Variants in GALNS observed in about 807,000 individuals in gnomAD.
GALNS encodes the protein galactosamine (N-acetyl)-6-sulfatase.
A neutral mutation model predicts 65.9 loss-of-function variants in GALNS; 65 were observed. The ratio of observed to expected loss-of-function variants is 0.99; its 90% CI spans 0.81 to 1.21. The LOEUF (loss-of-function observed/expected upper bound fraction) is 1.21. GALNS is among the 50% of genes most tolerant of loss of function. The pLI is 0.00. For synonymous variants in GALNS, 346 were observed against 288.9 expected (o/e 1.20, Z -2.00); for missense variants, 776 against 700.7 (o/e 1.11, Z -1.21).
chr16:88,849,289 T>C (rs1202384554), intron 1 of GALNS, among the ~76,000 whole-genome samples: 3 of 151,674 alleles, frequency 2.0e-5, no homozygotes, highest in Admixed American at 6.6e-5. Context: ...TAATTATTAT[T>C]ATCATTATTT....
chr16:88,825,228 CT>C (rs1446762429), intron 10 of GALNS, among the ~76,000 whole-genome samples: 1 of 89,988 alleles, frequency 1.1e-5, no homozygotes, highest in Non-Finnish European at 2.0e-5. Context: ...GCCTGGGTGT[CT>C]GGGGCTGGGG....
chr16:88,824,532 G>A (rs1412678111), intron 11 of GALNS, among the ~76,000 whole-genome samples: 3 of 152,130 alleles, frequency 2.0e-5, no homozygotes, highest in Non-Finnish European at 4.4e-5. Context: ...TAGCTATGCC[G>A]CGGGGCTACT....
rs370586494 is a variant in GALNS, at chr16:88,835,340, G to A, written c.771C>T (p.Ala257=). ...CAATGCTGTCATCAATCTCCCGGACGGCGTCTCCATACCTGCAGGATGGTG... is the reference window on the plus strand; with the variant it reads ...CAATGCTGTCATCAATCTCCCGGACAGCGTCTCCATACCTGCAGGATGGTG... ...GTSQRGRYGD[A]VREIDDSIGK... is the part of the protein sequence containing the mutation. The change falls in exon 8 of 14, where the codon GCC becomes GCT. Residue 257 remains alanine (A), a synonymous_variant. Coordinates refer to ENST00000268695, the MANE Select transcript of GALNS (RefSeq NM_000512.5). 4.1e-4 allele frequency: 655 copies of A among 1,613,554 alleles called. 1 individual carries two copies. Among genetic ancestry groups the A allele is most frequent in the Non-Finnish European group, 5.1e-4 (598 of 1,179,872 alleles).
At chr16:88,849,876 C>T (rs1226860369) in intron 1 of GALNS, among the ~76,000 whole-genome samples, 1 of 152,212 alleles carries the variant, frequency 6.6e-6, no homozygotes, top group Non-Finnish European at 1.5e-5. Flanking sequence ...CAGAGCTGCT[C>T]ATGGGCTGAG....
intron 4 of GALNS, 38 bp downstream of exon 4, chr16:88,840,954 G>A: frequency 6.7e-7 from 1 of 1,502,922 alleles, no homozygotes; most frequent in Non-Finnish European, 9.3e-7. Context: ...GAAGTGGATG[G>A]AGCAGGACGC....
intron 6 of GALNS, 66 bp downstream of exon 6, chr16:88,836,135 G>A (rs1027971381): frequency 7.6e-6 from 11 of 1,439,948 alleles, no homozygotes; most frequent in Non-Finnish European, 1.1e-5. Context: ...CCTCCCACAG[G>A]ATGAGGTTGG....
At chr16:88,829,876 G>A (rs988341959) in intron 9 of GALNS, among the ~76,000 whole-genome samples, 4 of 152,308 alleles carry the variant, frequency 2.6e-5, no homozygotes, top group Admixed American at 6.5e-5. Context: ...AGCGAGGCTC[G>A]AAACAGGGAG....
Position 88,824,070 on chromosome 16 carries a change from C to T in GALNS, c.1242+697G>A, listed in dbSNP as rs989828899. ...CCAGTTCTCACTTCCAGTCTTTAGA[C>T]TCTCCATTACACTAAATGATTTTCT... is the stretch of plus-strand genomic sequence containing the variant. On this transcript the variant is annotated intron_variant, in intron 11 of 13. Transcript: ENST00000268695. 2.0e-5 allele frequency among the ~76,000 whole-genome samples: 3 copies of T among 152,258 alleles called. No individual in the cohort carries two copies. In the East Asian group the frequency reaches 5.8e-4, roughly 29 times the overall value.
rs2303271 is a variant in GALNS, at chr16:88,818,058, C to T, written c.1431G>A (p.Glu477=). 589,919 of 1,578,382 alleles carry T rather than the reference C, an allele frequency of 0.37. 113,008 individuals carry two copies. The highest frequency in any genetic ancestry group is 0.63 in the East Asian group (27,222 of 43,502). ...GCTGGGGCTGCGCGGGGACCAAGGCCTCCTGGTGCTGCTGGACGACCGAGG... is the reference window on the plus strand; with the variant it reads ...GCTGGGGCTGCGCGGGGACCAAGGCTTCCTGGTGCTGCTGGACGACCGAGG... ...RITSVVQQHQ[E]ALVPAQPQLN... is the part of the protein sequence containing the mutation. Residue 477 remains glutamate, a synonymous_variant, in exon 13 of 14, where the codon GAG becomes GAA. Coordinates refer to ENST00000268695, the MANE Select transcript of GALNS (RefSeq NM_000512.5).
chr16:88,825,195 TA>T (rs1305565300), intron 10 of GALNS, among the ~76,000 whole-genome samples: 3 of 120,418 alleles, frequency 2.5e-5, no homozygotes, highest in Non-Finnish European at 3.4e-5. Context: ...ACTGGGTGTC[TA>T]GGGTGCCTGG....
chr16:88,829,399 G>A (rs11643047), intron 9 of GALNS, among the ~76,000 whole-genome samples: 467 of 152,320 alleles, frequency 3.1e-3, no homozygotes, highest in Non-Finnish European at 5.1e-3. Context: ...ACAACAAGGC[G>A]GTCACTCTCA....
chr16:88,833,454 CT>C (rs1555521204), intron 8 of GALNS, among the ~76,000 whole-genome samples: 444 of 141,088 alleles, frequency 3.1e-3, no homozygotes, highest in African/African-American at 5.9e-3. Context: ...CTCCCATCCC[CT>C]TTTTTTTTTT....
intron 12 of GALNS, among the ~76,000 whole-genome samples, chr16:88,818,889 C>G (rs943791679): frequency 1.3e-5 from 2 of 152,224 alleles, no homozygotes; most frequent in African/African-American, 2.4e-5. Flanking sequence ...AATGCCCAGG[C>G]TGGGAGCTGC....
At chr16:88,827,024 C>T in intron 9 of GALNS, 186 bp from the exon 10 acceptor site, 1 of 698,046 alleles carries the variant, frequency 1.4e-6, no homozygotes, top group Admixed American at 2.4e-5. Flanking sequence ...GAGCCTCAAA[C>T]CAGGCCCAAA....
At chr16:88,850,371 C>T (rs935816437) in intron 1 of GALNS, among the ~76,000 whole-genome samples, 28 of 152,300 alleles carry the variant, frequency 1.8e-4, no homozygotes, top group African/African-American at 6.7e-4. Context: ...GAGCTGCGTC[C>T]GGATCTGCTT....
chr16:88,835,743 C>G lies in GALNS; in HGVS notation c.740G>C (p.Gly247Ala). Residue 247 changes from glycine to alanine, a missense_variant, in exon 7 of 14, where the codon GGC becomes GCC. By Grantham distance (60) the Gly-to-Ala change is moderately conservative. Coordinates refer to ENST00000268695, the MANE Select transcript of GALNS (RefSeq NM_000512.5). ...GACTCACCGCCCTCGCTGACTGGTG[C>G]CCAAGAAGGGTTTGGAGGCATAGAC... Reference protein sequence around the residue: ...APVYASKPFLGTSQRGRYGDA... With the variant: ...APVYASKPFLATSQRGRYGDA... 6.2e-7 allele frequency: 1 copy of G among 1,614,102 alleles called. No homozygotes were observed. The highest frequency in any genetic ancestry group is 8.5e-7 in the Non-Finnish European group (1 of 1,180,036).
rs1444030808 is a variant in GALNS at position 88,816,108 on chromosome 16, C to T, written c.1483-1583G>A. ...CCCCTCAGACCCCAGTGGCTCAGCT[C>T]GCCAGGTCTGAGTTGGCACTTTTCC... On this transcript the variant is annotated intron_variant, in intron 13 of 13. Coordinates refer to ENST00000268695, the MANE Select transcript of GALNS (RefSeq NM_000512.5). 9 of 985,196 alleles carry T rather than the reference C, an allele frequency of 9.1e-6. No homozygotes were observed. In the Admixed American group the frequency reaches 3.1e-4, roughly 34 times the overall value. The allele number at this position is 985,196 out of a possible 1,614,324, so 61.0% of individuals were successfully genotyped here.
At chr16:88,822,854 T>C in intron 11 of GALNS, 144 bp from the exon 12 acceptor site, 1 of 1,280,508 alleles carries the variant, frequency 7.8e-7, no homozygotes, top group South Asian at 1.3e-5. Context: ...CTGGGGGCCG[T>C]GGGGGGGTCT....
chr16:88,856,518 G>A (rs1024639539), intron 1 of GALNS: 13 of 697,750 alleles, frequency 1.9e-5, no homozygotes, highest in East Asian at 8.1e-5. Context: ...GGTGACCGCC[G>A]AGACCCCACG....
Sources: allele counts gnomAD v4.1 joint callset (sites outside exome capture counted in the v4.1 genomes callset), GRCh38; gene constraint gnomAD v4.1.1; transcripts MANE v1.5; gene names NCBI Gene and HGNC (gene_info 2026-07-23, HGNC 2026-07-21).